Variants in KCNK2 observed in about 807,000 individuals in gnomAD.
KCNK2 encodes the protein potassium channel subfamily K member 2.
KCNK2 carries 21 observed loss-of-function variants against 40.5 expected under a neutral mutation model. The ratio of observed to expected loss-of-function variants is 0.52; its 90% confidence interval spans 0.37 to 0.75. KCNK2 has a LOEUF of 0.75. KCNK2 is among the 30% of genes least tolerant of loss of function. The pLI, the probability that KCNK2 is intolerant of heterozygous loss-of-function variation, is 0.00. For synonymous variants in KCNK2, 191 were observed against 202.2 expected (o/e 0.94, Z 0.47); for missense variants, 399 against 531.6 (o/e 0.75, Z 2.45).
At chr1:215,203,990 A>G (rs1180039406) in intron 6 of KCNK2, among the ~76,000 whole-genome samples, 1 of 127,788 alleles carries the variant, frequency 7.8e-6, no homozygotes, top group African/African-American at 2.8e-5. Flanking sequence ...GTGAGCCGAG[A>G]TCGCGCCACT....
chr1:215,064,909 G>A (rs1486607793), intron 1 of KCNK2, among the ~76,000 whole-genome samples: 1 of 151,972 alleles, frequency 6.6e-6, no homozygotes, highest in African/African-American at 2.4e-5. Flanking sequence ...TTTATTTCTT[G>A]TGTTTGTGGG....
chr1:215,094,997 G>A (rs745801610), intron 2 of KCNK2, among the ~76,000 whole-genome samples: 2 of 152,024 alleles, frequency 1.3e-5, no homozygotes, highest in Non-Finnish European at 2.9e-5. Flanking sequence ...TAAATGTAGA[G>A]CTCAGTCAGA....
At chr1:215,093,865 A>ATATATT (rs1659855677) in intron 2 of KCNK2, among the ~76,000 whole-genome samples, 1 of 92,538 alleles carries the variant, frequency 1.1e-5, no homozygotes, top group Non-Finnish European at 2.0e-5. Flanking sequence ...TATATATAAA[A>ATATATT]ATATATTATA....
At chr1:215,070,139 G>A (rs527899243) in intron 1 of KCNK2, among the ~76,000 whole-genome samples, 5 of 152,160 alleles carry the variant, frequency 3.3e-5, no homozygotes, top group East Asian at 1.9e-4. Flanking sequence ...GGTTGGGCAC[G>A]GTGGCTCATG....
intron 1 of KCNK2, among the ~76,000 whole-genome samples, chr1:215,010,851 A>ATTTTTGTT (rs1394858725): frequency 8.0e-6 from 1 of 125,458 alleles, no homozygotes; most frequent in African/African-American, 3.1e-5. Flanking sequence ...CAGGACACAG[A>ATTTTTGTT]TTTTTTTTTT....
Position 215,083,200 on chromosome 1 carries a change from C to CA in KCNK2, c.-186_-185insA. 2.7e-6 allele frequency: 2 copies of CA among 748,256 alleles called. No homozygotes were observed. The highest frequency in any genetic ancestry group is 1.5e-5 in the South Asian group (1 of 68,676). The allele number at this position is 748,256 out of a possible 1,614,324, so 46.4% of individuals were successfully genotyped here. On this transcript the variant is annotated 5_prime_UTR_variant, in exon 1 of 7. Transcript: ENST00000444842. ...ATTTCGTTTCTTCTCACGCTCCCCC[C>CA]CCCGCCCCCTCCCGCGTCCAGCCCC...
chr1:215,103,656 A>T (rs1445287429), intron 2 of KCNK2, among the ~76,000 whole-genome samples: 2 of 152,102 alleles, frequency 1.3e-5, no homozygotes, highest in Admixed American at 6.6e-5. Flanking sequence ...ATTTGGCTTA[A>T]TTAAAATGGT....
Position 215,083,208 on chromosome 1 carries a change from C to CCCCCCCCCCCCCCCCCCCCCCA in KCNK2, c.-177_-176insCCCCCCCCCCCCCCCCCCCCAC. ...TCTTCTCACGCTCCCCCCCCCGCCC[C>CCCCCCCCCCCCCCCCCCCCCCA]CTCCCGCGTCCAGCCCCGCTCTCCC... is the stretch of plus-strand genomic sequence containing the variant. On this transcript the variant is annotated 5_prime_UTR_variant, in exon 1 of 7. Transcript: ENST00000444842. 8.8e-7 allele frequency: 1 copy of CCCCCCCCCCCCCCCCCCCCCCA among 1,135,102 alleles called. No homozygotes were observed. The highest frequency in any genetic ancestry group is 1.2e-6 in the Non-Finnish European group (1 of 803,972). The allele number at this position is 1,135,102 out of a possible 1,614,324, so 70.3% of individuals were successfully genotyped here. A position where few individuals can be genotyped will look rare whatever the true frequency, so the allele number is the denominator to read the frequency against.
rs919159474 is a variant in KCNK2 at position 215,235,387 on chromosome 1, G to C, written c.*242G>C. 1.8e-5 allele frequency: 8 copies of C among 442,024 alleles called. No homozygotes were observed. The highest frequency in any genetic ancestry group is 1.6e-4 in the African/African-American group (8 of 51,310). 27.4% of individuals were successfully genotyped at this position (442,024 alleles called of 1,614,324 possible). A position where few individuals can be genotyped will look rare whatever the true frequency, so the allele number is the denominator to read the frequency against. ...AGTGGAATGACAAGCAATGTCTGAT[G>C]CCTTTTTGTGCCCAGACTGTTTTCC... On this transcript the variant is annotated 3_prime_UTR_variant, in exon 7 of 7. Transcript: ENST00000444842.
chr1:215,112,559 C>T (rs537975552), intron 2 of KCNK2, among the ~76,000 whole-genome samples: 1 of 152,154 alleles, frequency 6.6e-6, no homozygotes, highest in African/African-American at 2.4e-5. Context: ...TCAGTGTACC[C>T]TAAGTGTACA....
chr1:215,199,784 A>G (rs1212208154), intron 6 of KCNK2, among the ~76,000 whole-genome samples: 1 of 152,242 alleles, frequency 6.6e-6, no homozygotes, highest in Non-Finnish European at 1.5e-5. Context: ...TAGAAATAAG[A>G]TGTGACCACA....
Position 215,140,382 on chromosome 1 carries a change from G to A in KCNK2, c.475+15632G>A, listed in dbSNP as rs143573271. Among the ~76,000 whole-genome samples the A allele has an allele frequency of 8.7e-3, 1,324 of 152,146 alleles. 22 individuals are homozygous for A. The highest frequency in any genetic ancestry group is 0.031 in the Admixed American group (476 of 15,272). On this transcript the variant is annotated intron_variant, in intron 3 of 6. Transcript: ENST00000444842. ...CATATACAGTCATGTGTCACTTATC[G>A]ACAGTGACATTTCCTGAAAAATGTG...
chr1:215,047,784 C>T (rs1218677026), intron 1 of KCNK2, among the ~76,000 whole-genome samples: 5 of 152,110 alleles, frequency 3.3e-5, no homozygotes, highest in African/African-American at 1.2e-4. Context: ...TTTCCCTTAA[C>T]AATTTTTACA....
At chr1:215,147,082 A>C (rs1662450951) in intron 3 of KCNK2, among the ~76,000 whole-genome samples, 1 of 152,230 alleles carries the variant, frequency 6.6e-6, no homozygotes. Context: ...TTCTATGTAC[A>C]AAGAGACAGA....
chr1:215,069,582 T>G (rs1434293131), intron 1 of KCNK2, among the ~76,000 whole-genome samples: 1 of 152,202 alleles, frequency 6.6e-6, no homozygotes, highest in Admixed American at 6.5e-5. Flanking sequence ...GACTAATGTT[T>G]ATTGAGTTCT....
At chr1:215,211,123 C>T (rs564538983) in intron 6 of KCNK2, among the ~76,000 whole-genome samples, 24 of 152,122 alleles carry the variant, frequency 1.6e-4, no homozygotes, top group Admixed American at 4.6e-4. Flanking sequence ...TTCCCTTTTT[C>T]CTCAGAGTAA....
At chr1:215,069,546 A>T (rs1452640) in intron 1 of KCNK2, among the ~76,000 whole-genome samples, 145,926 of 152,286 alleles carry the variant, frequency 0.96, 70,207 homozygotes, top group East Asian at 1. Context: ...TTCAGTGCTG[A>T]CAGTGGTAAT....
intron 6 of KCNK2, among the ~76,000 whole-genome samples, chr1:215,209,321 CACAT>C (rs565233206): frequency 0.046 from 2,338 of 50,380 alleles, 134 homozygotes; most frequent in African/African-American, 0.12. Flanking sequence ...ATGAAATATA[CACAT>C]ATTTTTATAT....
rs73080079 is a variant in KCNK2 at position 215,202,664 on chromosome 1, C to T, written c.963+7572C>T. On this transcript the variant is annotated intron_variant, in intron 6 of 6. Coordinates refer to ENST00000444842, the MANE Select transcript of KCNK2 (RefSeq NM_001017425.3). Reference sequence around the variant, plus strand: ...CTAAAAATGAAATAGGACTTGAAGACGTTCAGAAATGGAAACACTTCTAGA... The same window carrying T: ...CTAAAAATGAAATAGGACTTGAAGATGTTCAGAAATGGAAACACTTCTAGA... Among the ~76,000 whole-genome samples, 580 of 152,210 alleles carry T rather than the reference C, an allele frequency of 3.8e-3. 3 individuals carry two copies. The highest frequency in any genetic ancestry group is 0.013 in the African/African-American group (556 of 41,522).
Sources: gnomAD v4.1 joint callset for allele counts (sites outside exome capture counted in the v4.1 genomes callset) on GRCh38, gnomAD v4.1.1 for gene constraint, MANE v1.5 for transcripts, NCBI Gene and HGNC (gene_info 2026-07-23, HGNC 2026-07-21) for gene names.